Variants in SMG7 observed in about 807,000 individuals in gnomAD.
SMG7 encodes nonsense-mediated mRNA decay factor SMG7.
SMG7 carries 34 observed loss-of-function variants against 148.2 expected under a neutral mutation model. The ratio of observed to expected loss-of-function variants is 0.23; its 90% CI spans 0.17 to 0.31. The LOEUF is 0.31. SMG7 is among the 10% of genes least tolerant of loss of function. The probability of loss-of-function intolerance (pLI) is 1.00; values close to 1 mark genes in which losing one functional copy is unlikely to be tolerated. For missense variants in SMG7, 1,114 were observed against 1,408.4 expected, an observed-to-expected ratio of 0.79 and a Z score of 3.35; for synonymous variants, 492 against 515.1, an observed-to-expected ratio of 0.96 and a Z score of 0.61.
intron 3 of SMG7, 29 bp downstream of exon 3, chr1:183,516,020 C>T: frequency 7.7e-7 from 1 of 1,305,294 alleles, no homozygotes. Context: ...TTGAGAAGTC[C>T]CTGTAAGATC....
chr1:183,500,693 T>TATA (rs932117096), intron 1 of SMG7, among the ~76,000 whole-genome samples: 67 of 152,258 alleles, frequency 4.4e-4, no homozygotes, highest in African/African-American at 1.5e-3. Context: ...TTTTAGGAGT[T>TATA]ACTGAGTTTA....
intron 12 of SMG7, among the ~76,000 whole-genome samples, chr1:183,539,081 C>T (rs1337583421): frequency 6.6e-6 from 1 of 151,984 alleles, no homozygotes; most frequent in Non-Finnish European, 1.5e-5. Context: ...ACCCAGGAGG[C>T]AGAGGCTGCA....
intron 1 of SMG7, among the ~76,000 whole-genome samples, chr1:183,511,281 G>T (rs1662087134): frequency 6.6e-6 from 1 of 152,170 alleles, no homozygotes; most frequent in Admixed American, 6.5e-5. Context: ...GAGTTGTGAT[G>T]AGCATTCTTA....
At chr1:183,550,713 A>C (rs1171470973) in intron 20 of SMG7, 38 bp from the exon 21 acceptor site, 2 of 1,599,608 alleles carry the variant, frequency 1.3e-6, no homozygotes, top group Non-Finnish European at 1.7e-6. Flanking sequence ...TTTGTGAAAC[A>C]ATGATTTACT....
In SMG7 at chr1:183,533,906, C is replaced by T. The variant is rs1667283821; in HGVS notation, c.1163+74C>T. On this transcript the variant is annotated intron_variant, in intron 10 of 22. Coordinates refer to ENST00000688051, the MANE Select transcript of SMG7 (RefSeq NM_001375584.1). ...ATATCCATAAATATGTAAAAACTGC[C>T]TTCTAAAATACAACATTTGAACAAT... is the stretch of plus-strand genomic sequence containing the variant. The T allele has an allele frequency of 3.1e-6, 4 of 1,270,836 alleles. No individual in the cohort carries two copies. In the Admixed American group the frequency reaches 7.8e-5, roughly 25 times the overall value. The allele number at this position is 1,270,836 out of a possible 1,614,324, so 78.7% of individuals were successfully genotyped here. A position where few individuals can be genotyped will look rare whatever the true frequency, so the allele number is the denominator to read the frequency against.
chr1:183,544,532 T>C, intron 15 of SMG7, 35 bp downstream of exon 15: 1 of 1,602,680 alleles, frequency 6.2e-7, no homozygotes, highest in Non-Finnish European at 8.5e-7. Context: ...TACTTAATCT[T>C]TTCTGTGCAA....
At chr1:183,508,648 T>C (rs994251657) in intron 1 of SMG7, among the ~76,000 whole-genome samples, 5 of 152,344 alleles carry the variant, frequency 3.3e-5, no homozygotes, top group African/African-American at 9.6e-5. Flanking sequence ...GGTGGGAAGA[T>C]AGAGATTCCT....
chr1:183,513,701 T>C (rs1424620523), intron 2 of SMG7, among the ~76,000 whole-genome samples: 1 of 151,962 alleles, frequency 6.6e-6, no homozygotes, highest in African/African-American at 2.4e-5. Context: ...GGCTGAGGTC[T>C]TTTGGAAGAA....
At position 183,542,226 on chromosome 1, in the gene SMG7, G is replaced by A; in HGVS notation, c.1566G>A (p.Gly522=). Residue 522 remains glycine, a synonymous_variant, in exon 14 of 23, where the codon GGG becomes GGA. Coordinates refer to ENST00000688051, the MANE Select transcript of SMG7 (RefSeq NM_001375584.1). ...IESLAADGSP[G]LKSVLSTSRN... is the part of the protein sequence containing the mutation. ...CGCTGGCTGCAGATGGGAGCCCAGGGCTAAAATCAGTGCTATCTACAAGCC... is the reference window on the plus strand; with the variant it reads ...CGCTGGCTGCAGATGGGAGCCCAGGACTAAAATCAGTGCTATCTACAAGCC... The A allele has an allele frequency of 6.2e-7, 1 of 1,614,042 alleles. No individual in the cohort carries two copies. The highest frequency in any genetic ancestry group is 8.5e-7 in the Non-Finnish European group (1 of 1,179,986).
intron 8 of SMG7, among the ~76,000 whole-genome samples, chr1:183,529,816 AC>A (rs1008033426): frequency 6.6e-6 from 1 of 152,144 alleles, no homozygotes; most frequent in African/African-American, 2.4e-5. Flanking sequence ...TTTTGAAACT[AC>A]TACTACTTTT....
In SMG7 at chr1:183,553,049, G is replaced by A. The variant is rs532722674; in HGVS notation, c.*1118G>A. ...AGAGGAAGGAAGCAGCAGTATCTGC[G>A]TAGCCCACAGAGGGCCCAGGCCCCT... is the stretch of plus-strand genomic sequence containing the variant. On this transcript the variant is annotated 3_prime_UTR_variant, in exon 23 of 23. Coordinates refer to ENST00000688051, the MANE Select transcript of SMG7 (RefSeq NM_001375584.1). 122 of 1,536,224 alleles carry A rather than the reference G, an allele frequency of 7.9e-5. No homozygotes were observed. The highest frequency in any genetic ancestry group is 4.4e-4 in the African/African-American group (32 of 73,174).
At chr1:183,525,587 T>TG (rs908912169) in intron 4 of SMG7, among the ~76,000 whole-genome samples, 9 of 152,070 alleles carry the variant, frequency 5.9e-5, no homozygotes, top group African/African-American at 2.2e-4. Flanking sequence ...TTTTTTTCTG[T>TG]GGGAGACGTG....
At chr1:183,549,172 T>C in intron 18 of SMG7, 36 bp from the exon 19 acceptor site, 1 of 1,453,244 alleles carries the variant, frequency 6.9e-7, no homozygotes, top group East Asian at 2.3e-5. Context: ...AAATAGAAGG[T>C]ATAACTTAAT....
intron 10 of SMG7, among the ~76,000 whole-genome samples, chr1:183,534,058 C>T (rs1667313031): frequency 6.6e-6 from 1 of 152,098 alleles, no homozygotes; most frequent in Non-Finnish European, 1.5e-5. Context: ...TTGTACACTC[C>T]CTTGTTCCCA....
At position 183,527,940 on chromosome 1, in the gene SMG7, A is replaced by T; in HGVS notation, c.485-16A>T. On this transcript the variant is annotated splice_polypyrimidine_tract_variant and intron_variant, in intron 5 of 22. Coordinates refer to ENST00000688051, the MANE Select transcript of SMG7 (RefSeq NM_001375584.1). This position sits in a 1 kb window ranked among gnomAD's most constrained non-coding sequence, Gnocchi z 4.0. ...TTGTTTTTTGGGTTTTTTAAAACTA[A>T]TTTTCTTCTTCTTAGCTCGATACAG... The T allele has an allele frequency of 6.2e-7, 1 of 1,610,090 alleles. No individual in the cohort carries two copies. The highest frequency in any genetic ancestry group is 2.2e-5 in the East Asian group (1 of 44,758).
intron 11 of SMG7, among the ~76,000 whole-genome samples, chr1:183,537,430 G>A (rs1156697823): frequency 6.6e-6 from 1 of 152,104 alleles, no homozygotes; most frequent in African/African-American, 2.4e-5. Context: ...CATTCAAATA[G>A]GAGTTCAGAG....
chr1:183,492,507 G>A (rs894071629), intron 1 of SMG7, among the ~76,000 whole-genome samples: 2 of 152,014 alleles, frequency 1.3e-5, no homozygotes, highest in African/African-American at 4.8e-5. Context: ...TCTATTTTTT[G>A]GGAATTGTTT....
At chr1:183,526,289 C>T (rs954031923) in intron 4 of SMG7, among the ~76,000 whole-genome samples, 1 of 151,716 alleles carries the variant, frequency 6.6e-6, no homozygotes, top group Non-Finnish European at 1.5e-5. Context: ...GCTGAGACTA[C>T]AGGTGCTCAC....
At chr1:183,533,873 TTTG>T (rs1558037740) in intron 10 of SMG7, 41 bp downstream of exon 10, 2 of 1,548,416 alleles carry the variant, frequency 1.3e-6, no homozygotes, top group Middle Eastern at 1.8e-4. Context: ...GTGTGCTTTG[TTTG>T]TTTGATATCC....
Sources: allele counts gnomAD v4.1 joint callset (sites outside exome capture counted in the v4.1 genomes callset), GRCh38; gene constraint gnomAD v4.1.1; non-coding constraint Gnocchi (gnomAD v3.1); transcripts MANE v1.5; gene names NCBI Gene and HGNC (gene_info 2026-07-23, HGNC 2026-07-21).